The following ADAMTS17 variants were observed in gnomAD, a reference collection of about 807,000 sequenced individuals.
ADAMTS17 encodes ADAM metallopeptidase with thrombospondin type 1 motif 17, also known as A disintegrin and metalloproteinase with thrombospondin motifs 17.
A neutral mutation model predicts 141.5 loss-of-function variants in ADAMTS17; 113 were observed. The observed-to-expected ratio is 0.80, with a 90% CI of 0.69 to 0.93. The LOEUF (loss-of-function observed/expected upper bound fraction) is 0.93. Among genes scored for constraint, ADAMTS17 ranks in the 40% least tolerant of loss-of-function variants. ADAMTS17 has a pLI of 0.00. For missense variants in ADAMTS17, 1,659 were observed against 1,517.9 expected (o/e 1.09, Z -1.54); for synonymous variants, 768 against 630.6 (o/e 1.22, Z -3.27).
chr15:100,131,969 T>A, intron 12 of ADAMTS17, 38 bp downstream of exon 12: 1 of 1,613,886 alleles, frequency 6.2e-7, no homozygotes, highest in Non-Finnish European at 8.5e-7. Flanking sequence ...GAAACTCCAA[T>A]CGTGGCACGT....
intron 7 of ADAMTS17, among the ~76,000 whole-genome samples, chr15:100,250,651 T>C (rs941005106): frequency 2.6e-5 from 4 of 152,138 alleles, no homozygotes; most frequent in South Asian, 4.1e-4. Context: ...AAGCTGCCCA[T>C]GTAATAAGAT....
At chr15:100,243,652 T>C (rs2042894584) in intron 7 of ADAMTS17, among the ~76,000 whole-genome samples, 1 of 151,894 alleles carries the variant, frequency 6.6e-6, no homozygotes. Flanking sequence ...TAGCCAGGCG[T>C]AATGGCGCAT....
At chr15:100,086,822 T>C (rs1443125371) in intron 15 of ADAMTS17, among the ~76,000 whole-genome samples, 1 of 151,502 alleles carries the variant, frequency 6.6e-6, no homozygotes, top group Non-Finnish European at 1.5e-5. Flanking sequence ...TACCAGAATC[T>C]CTGGGACACA....
chr15:100,188,182 T>G (rs910563419), intron 8 of ADAMTS17, among the ~76,000 whole-genome samples: 1 of 152,030 alleles, frequency 6.6e-6, no homozygotes, highest in Non-Finnish European at 1.5e-5. Context: ...GTTTAAGGGA[T>G]TCTCCTGCCT....
intron 3 of ADAMTS17, among the ~76,000 whole-genome samples, chr15:100,294,010 G>C (rs2044727052): frequency 6.6e-6 from 1 of 152,104 alleles, no homozygotes. Context: ...GGACTTCCAG[G>C]GTGACAGTGG....
intron 7 of ADAMTS17, among the ~76,000 whole-genome samples, chr15:100,203,066 G>T (rs983516096): frequency 6.6e-6 from 1 of 152,130 alleles, no homozygotes; most frequent in African/African-American, 2.4e-5. Flanking sequence ...TTTATTAGTC[G>T]TGCCTCTAAT....
chr15:100,136,702 T>C (rs1248519933), intron 10 of ADAMTS17, among the ~76,000 whole-genome samples: 3 of 152,124 alleles, frequency 2.0e-5, no homozygotes, highest in Non-Finnish European at 4.4e-5. Flanking sequence ...AGAAGAGAAC[T>C]AAAGTGATGT....
intron 7 of ADAMTS17, among the ~76,000 whole-genome samples, chr15:100,204,451 G>A (rs981393977): frequency 6.6e-6 from 1 of 152,262 alleles, no homozygotes; most frequent in African/African-American, 2.4e-5. Flanking sequence ...TTGGATTGCA[G>A]ATTCAGGCTC....
intron 8 of ADAMTS17, among the ~76,000 whole-genome samples, chr15:100,185,280 CAT>C (rs1445949964): frequency 6.6e-6 from 1 of 152,182 alleles, no homozygotes; most frequent in Non-Finnish European, 1.5e-5. Flanking sequence ...AATTAACAGA[CAT>C]AAAGCCCTGA....
intron 10 of ADAMTS17, among the ~76,000 whole-genome samples, chr15:100,140,235 ATCC>A (rs967265372): frequency 3.3e-5 from 5 of 152,102 alleles, no homozygotes; most frequent in Non-Finnish European, 4.4e-5. Context: ...ACCTCTGGTG[ATCC>A]TCCTGCCTTG....
chr15:100,228,595 C>A (rs927294948), intron 7 of ADAMTS17, among the ~76,000 whole-genome samples: 8 of 152,198 alleles, frequency 5.3e-5, no homozygotes, highest in Non-Finnish European at 1.0e-4. Context: ...ACAGACCCAG[C>A]CCAAGTGGAC....
Position 99,973,121 on chromosome 15 carries a change from CTCTGCTTG to C in ADAMTS17, c.*1273_*1280del, listed in dbSNP as rs1346333493. On this transcript the variant is annotated 3_prime_UTR_variant, in exon 22 of 22. Transcript: ENST00000268070. ...ATCCTCTGTGCTCTCAAAGAGGCCA[CTCTGCTTG>C]TCTGCTGCCAGGCGTAAGGGGGCTG... The C allele has an allele frequency of 6.6e-6, 1 of 151,654 alleles. No individual in the cohort carries two copies. The highest frequency in any genetic ancestry group is 2.4e-5 in the African/African-American group (1 of 41,260). 9.4% of individuals were successfully genotyped at this position (151,654 alleles called of 1,614,324 possible). A position where few individuals can be genotyped will look rare whatever the true frequency, so the allele number is the denominator to read the frequency against.
At position 100,243,121 on chromosome 15, in the gene ADAMTS17, C is replaced by T. The variant is rs373524936; in HGVS notation, c.1075+11015G>A. On this transcript the variant is annotated intron_variant, in intron 7 of 21. Transcript: ENST00000268070. ...TGGCTTATTTCATTCGGCATAATGT[C>T]CTCAAGGTTCATCCATATTATAGCA... Among the ~76,000 whole-genome samples the T allele has an allele frequency of 5.9e-5, 9 of 152,328 alleles. No homozygotes were observed. The East Asian group carries it at 1.7e-3, about 29-fold the overall frequency.
intron 18 of ADAMTS17, among the ~76,000 whole-genome samples, chr15:100,045,500 G>T (rs982842710): frequency 3.3e-5 from 5 of 152,200 alleles, no homozygotes; most frequent in African/African-American, 9.6e-5. Flanking sequence ...AGCAGCTACA[G>T]TCTCAGTTCA....
chr15:100,143,430 G>C (rs573957605), intron 10 of ADAMTS17, among the ~76,000 whole-genome samples: 18 of 152,288 alleles, frequency 1.2e-4, no homozygotes, highest in African/African-American at 4.1e-4. Flanking sequence ...TGGGCTAATT[G>C]CATAAAGTTT....
intron 15 of ADAMTS17, among the ~76,000 whole-genome samples, chr15:100,089,748 C>T (rs992139215): frequency 6.7e-5 from 10 of 149,462 alleles, no homozygotes; most frequent in African/African-American, 2.0e-4. Flanking sequence ...AACCAAACAC[C>T]GCATGTTCTC....
intron 18 of ADAMTS17, among the ~76,000 whole-genome samples, chr15:100,029,815 G>A (rs1176127648): frequency 6.6e-6 from 1 of 152,202 alleles, no homozygotes; most frequent in East Asian, 1.9e-4. Context: ...AATGTCAAGG[G>A]ACCTTCGTTA....
chr15:100,148,826 T>TA lies in ADAMTS17; in HGVS notation c.1473+3785dup, dbSNP rs75732846. Among the ~76,000 whole-genome samples the TA allele has an allele frequency of 3.2e-3, 447 of 139,778 alleles. 1 individual carries two copies. Among genetic ancestry groups the TA allele is most frequent in the African/African-American group, 5.2e-3 (199 of 38,134 alleles). The allele number at this position is 139,778 out of a possible 152,430, so 91.7% of individuals were successfully genotyped here. On this transcript the variant is annotated intron_variant, in intron 10 of 21. Coordinates refer to ENST00000268070, the MANE Select transcript of ADAMTS17 (RefSeq NM_139057.4). Reference sequence around the variant, plus strand: ...GTAGGCCTCATTGAGAAGCTTATATTAAAAAAAAAAAAACAGAACTCAAAA... The same window carrying TA: ...GTAGGCCTCATTGAGAAGCTTATATTAAAAAAAAAAAAAACAGAACTCAAAA...
intron 15 of ADAMTS17, among the ~76,000 whole-genome samples, chr15:100,066,332 C>A (rs1483706823): frequency 1.3e-5 from 2 of 152,052 alleles, no homozygotes; most frequent in African/African-American, 2.4e-5. Context: ...CAGAGTTGAA[C>A]TGTGATCACG....
Sources: allele counts gnomAD v4.1 joint callset (sites outside exome capture counted in the v4.1 genomes callset), GRCh38; gene constraint gnomAD v4.1.1; transcripts MANE v1.5; gene names NCBI Gene and HGNC (gene_info 2026-07-23, HGNC 2026-07-21).